The following CAP2 variants were observed in gnomAD, a reference collection of about 807,000 sequenced individuals.
CAP2 encodes cyclase associated actin cytoskeleton regulatory protein 2.
A neutral mutation model predicts 57.7 loss-of-function variants in CAP2; 24 were observed. The ratio of observed to expected loss-of-function variants is 0.42; its 90% CI spans 0.30 to 0.58. The LOEUF is 0.58. Ranked by LOEUF, CAP2 falls within the 20% of genes least tolerant of loss-of-function variation. The probability of loss-of-function intolerance (pLI) is 0.22; values close to 1 mark genes in which losing one functional copy is unlikely to be tolerated. For synonymous variants in CAP2, 194 were observed against 207.2 expected (o/e 0.94, Z 0.55); for missense variants, 501 against 590.3 (o/e 0.85, Z 1.57).
At chr6:17,542,710 A>G in intron 9 of CAP2, 127 bp from the exon 10 acceptor site, 3 of 758,394 alleles carry the variant, frequency 4.0e-6, no homozygotes, top group East Asian at 2.5e-5. Flanking sequence ...TTTCATCTAT[A>G]AGGAGATGGT....
At chr6:17,458,349 A>G (rs3777694) in intron 3 of CAP2, among the ~76,000 whole-genome samples, 20,443 of 152,118 alleles carry the variant, frequency 0.13, 4,434 homozygotes, top group African/African-American at 0.46. Flanking sequence ...TAAACAGTCA[A>G]GAGACTTATA....
chr6:17,533,650 C>T (rs956812973), intron 7 of CAP2, among the ~76,000 whole-genome samples: 9 of 150,982 alleles, frequency 6.0e-5, no homozygotes, highest in African/African-American at 2.0e-4. Context: ...CTCACTGCAA[C>T]CTCTGCCTCC....
intron 7 of CAP2, among the ~76,000 whole-genome samples, chr6:17,522,944 G>A (rs1017461245): frequency 6.6e-6 from 1 of 152,146 alleles, no homozygotes; most frequent in Non-Finnish European, 1.5e-5. Flanking sequence ...ACAGCCATAT[G>A]CCACCATGCC....
At chr6:17,506,691 A>T (rs1315242877) in intron 4 of CAP2, among the ~76,000 whole-genome samples, 1 of 151,748 alleles carries the variant, frequency 6.6e-6, no homozygotes, top group African/African-American at 2.4e-5. Context: ...CCACTTTTTC[A>T]CATGGATTAT....
Position 17,507,175 on chromosome 6 carries a change from G to A in CAP2, c.307G>A (p.Val103Met), listed in dbSNP as rs779944204. The part of the protein sequence containing the change: ...SQYQQPHEND[V>M]AALLKPISEK... ...GATGTTTGACTGCTTACAGAATGAC[G>A]TGGCCGCACTTCTGAAACCCATATC... The change falls in exon 5 of 13, where the codon GTG (valine) becomes ATG (methionine). Residue 103 changes from valine (V) to methionine (M), a missense_variant. Coordinates refer to ENST00000229922, the MANE Select transcript of CAP2 (RefSeq NM_006366.3). 2.4e-5 allele frequency: 38 copies of A among 1,614,172 alleles called. No individual in the cohort carries two copies. The South Asian group carries it at 2.5e-4, about 11-fold the overall frequency.
Position 17,556,378 on chromosome 6 carries a change from A to G in CAP2, c.1370A>G (p.Glu457Gly), listed in dbSNP as rs1763314721. ...TTCCAGAGAGAATTTCCCATTCCTGAACAGTTCAAGACAGCATGGGATGGA... is the reference window on the plus strand; with the variant it reads ...TTCCAGAGAGAATTTCCCATTCCTGGACAGTTCAAGACAGCATGGGATGGA... ...DGDYREFPIP[E>G]QFKTAWDGSK... The change falls in exon 13 of 13, where the codon GAA becomes GGA. Residue 457 changes from glutamate (E) to glycine (G), a missense_variant. Physicochemically the swap from Glu to Gly is moderately conservative, Grantham distance 98 (BLOSUM62 -2). Coordinates refer to ENST00000229922, the MANE Select transcript of CAP2 (RefSeq NM_006366.3). 6.2e-7 allele frequency: 1 copy of G among 1,613,336 alleles called. No homozygotes were observed. The highest frequency in any genetic ancestry group is 8.5e-7 in the Non-Finnish European group (1 of 1,179,240).
intron 4 of CAP2, among the ~76,000 whole-genome samples, chr6:17,484,799 G>A (rs1761382343): frequency 1.3e-5 from 2 of 152,076 alleles, no homozygotes; most frequent in Non-Finnish European, 1.5e-5. Flanking sequence ...GAGACCATTC[G>A]GCAGCTGCTT....
At chr6:17,397,241 G>A (rs1302004450) in intron 1 of CAP2, among the ~76,000 whole-genome samples, 7 of 151,938 alleles carry the variant, frequency 4.6e-5, no homozygotes, top group South Asian at 2.1e-4. Flanking sequence ...TGCATTTTTA[G>A]TAGAGAAGGG....
At chr6:17,465,597 C>A (rs769501570) in intron 4 of CAP2, among the ~76,000 whole-genome samples, 4 of 152,148 alleles carry the variant, frequency 2.6e-5, no homozygotes, top group Non-Finnish European at 5.9e-5. Context: ...TGAGTGATCA[C>A]CACGTGTTGT....
chr6:17,420,010 TAC>T (rs972209525), intron 1 of CAP2, among the ~76,000 whole-genome samples: 3 of 152,222 alleles, frequency 2.0e-5, no homozygotes, highest in African/African-American at 7.2e-5. Context: ...TAGCTGGGAT[TAC>T]AGGCGTGTGC....
At chr6:17,410,810 C>T (rs372868040) in intron 1 of CAP2, among the ~76,000 whole-genome samples, 10 of 152,270 alleles carry the variant, frequency 6.6e-5, no homozygotes, top group East Asian at 3.9e-4. Flanking sequence ...CTGCCCGCTT[C>T]GGCCTCCCAA....
chr6:17,445,828 T>G (rs1362661600), intron 3 of CAP2, among the ~76,000 whole-genome samples: 1 of 152,216 alleles, frequency 6.6e-6, no homozygotes, highest in Admixed American at 6.5e-5. Context: ...CATGGGTGGT[T>G]GGGCTCCCAT....
At chr6:17,521,568 C>G (rs1762392513) in intron 7 of CAP2, among the ~76,000 whole-genome samples, 1 of 152,162 alleles carries the variant, frequency 6.6e-6, no homozygotes, top group South Asian at 2.1e-4. Flanking sequence ...GCACTGAGTT[C>G]TGGGCAAGGG....
chr6:17,531,803 A>G (rs1762648252), intron 7 of CAP2, among the ~76,000 whole-genome samples: 1 of 152,070 alleles, frequency 6.6e-6, no homozygotes, highest in South Asian at 2.1e-4. Context: ...CCTGCAAATC[A>G]CCCAGACCGT....
At chr6:17,413,745 G>T (rs1265779874) in intron 1 of CAP2, among the ~76,000 whole-genome samples, 1 of 152,104 alleles carries the variant, frequency 6.6e-6, no homozygotes, top group Non-Finnish European at 1.5e-5. Context: ...TCACTGATAC[G>T]GTTACTGTAA....
chr6:17,521,809 A>G (rs941071811), intron 7 of CAP2, among the ~76,000 whole-genome samples: 1 of 152,132 alleles, frequency 6.6e-6, no homozygotes, highest in Non-Finnish European at 1.5e-5. Context: ...GGCACTTGTT[A>G]GAAAGCTCAG....
At chr6:17,543,937 T>A (rs1007035617) in intron 11 of CAP2, among the ~76,000 whole-genome samples, 4 of 151,982 alleles carry the variant, frequency 2.6e-5, no homozygotes, top group African/African-American at 9.7e-5. Flanking sequence ...CCAGCCTAGC[T>A]AACATGGTGA....
chr6:17,540,518 A>T (rs1314368202), intron 8 of CAP2, among the ~76,000 whole-genome samples: 2 of 152,114 alleles, frequency 1.3e-5, no homozygotes, highest in Non-Finnish European at 2.9e-5. Flanking sequence ...TGGGAGGCCA[A>T]GGAGGGTGGA....
chr6:17,411,782 CT>C (rs1759147275), intron 1 of CAP2, among the ~76,000 whole-genome samples: 1 of 152,132 alleles, frequency 6.6e-6, no homozygotes, highest in Admixed American at 6.6e-5. Flanking sequence ...CATGGCTCTT[CT>C]TTTCTCAGTG....
Sources: allele counts gnomAD v4.1 joint callset (sites outside exome capture counted in the v4.1 genomes callset), GRCh38; gene constraint gnomAD v4.1.1; transcripts MANE v1.5; gene names NCBI Gene and HGNC (gene_info 2026-07-23, HGNC 2026-07-21).